Variants in LMNTD2 observed in about 807,000 individuals in gnomAD.
LMNTD2 encodes the protein lamin tail domain containing 2, also known as lamin tail domain-containing protein 2.
In LMNTD2, 83 loss-of-function variants were observed where a neutral mutation model predicts 70.1. That is an observed-to-expected ratio of 1.18 (90% confidence interval 0.99 to 1.42). LMNTD2 has a LOEUF of 1.42. Among genes scored for constraint, LMNTD2 ranks in the 40% most tolerant of loss-of-function variants. The probability of loss-of-function intolerance (pLI) is 0.00; values close to 1 mark genes in which losing one functional copy is unlikely to be tolerated. For synonymous variants in LMNTD2, 534 were observed against 406.1 expected, an observed-to-expected ratio of 1.31 and a Z score of -3.79; for missense variants, 1,153 against 905.9, an observed-to-expected ratio of 1.27 and a Z score of -3.50.
intron 1 of LMNTD2, chr11:559,496 A>G (rs1415527024): frequency 1.6e-6 from 2 of 1,284,542 alleles, no homozygotes; most frequent in Non-Finnish European, 2.0e-6. Flanking sequence ...GGGCCAGCCC[A>G]GCCTGGAGGA....
Position 558,859 on chromosome 11 carries a change from G to T in LMNTD2, c.155C>A (p.Pro52Gln). ...HPAPVVCSAD[P>Q]QLALESLDPR... ...CAGTCCTCCCTCTCCTCCTTACTGC[G>T]GGTCGGCAGAGCAGACCACCGGTGC... The change falls in exon 2 of 14, where the codon CCG (proline) becomes CAG (glutamine). Residue 52 changes from proline (P) to glutamine (Q), a missense_variant. Transcript: ENST00000329451. The T allele has an allele frequency of 6.2e-7, 1 of 1,601,468 alleles. No homozygotes were observed. The highest frequency in any genetic ancestry group is 8.5e-7 in the Non-Finnish European group (1 of 1,170,820).
intron 7 of LMNTD2, 72 bp from the exon 8 acceptor site, chr11:557,169 G>A: frequency 6.7e-7 from 1 of 1,494,208 alleles, no homozygotes; most frequent in Non-Finnish European, 8.9e-7. Context: ...AGCCTCACAA[G>A]GCAGTGCAGC....
At position 556,266 on chromosome 11, in the gene LMNTD2, G is replaced by C; in HGVS notation, c.1183C>G (p.Leu395Val). 6.5e-7 allele frequency: 1 copy of C among 1,532,310 alleles called. No homozygotes were observed. Among genetic ancestry groups the C allele is most frequent in the Non-Finnish European group, 8.7e-7 (1 of 1,145,292 alleles). 94.9% of individuals were successfully genotyped at this position (1,532,310 alleles called of 1,614,324 possible). ...AGGCGCTCCGGGAAGCCGCGCACCA[G>C]CTGCTTCAGCACCATGCCGCTCAGG... ...ADLSGMVLKQLVRGFPERLYR... is the reference protein window; with the variant it reads ...ADLSGMVLKQVVRGFPERLYR... Residue 395 changes from leucine to valine, a missense_variant, in exon 10 of 14, where the codon CTG becomes GTG. Physicochemically the swap from Leu to Val is conservative, Grantham distance 32 (BLOSUM62 1). Coordinates refer to ENST00000329451, the MANE Select transcript of LMNTD2 (RefSeq NM_173573.3).
rs4963199 is a variant in LMNTD2 at position 557,661 on chromosome 11, C to T, written c.556-21G>A. ...ACTACCTGCAAGAGGGGACCGGAAG[C>T]CAGTGGGCAGGGGCTGGGTGCTCCC... On this transcript the variant is annotated intron_variant, in intron 5 of 13. Transcript: ENST00000329451. 2.9e-4 allele frequency: 472 copies of T among 1,613,056 alleles called. No homozygotes were observed. The African/African-American group carries it at 3.7e-3, about 12-fold the overall frequency.
At position 557,042 on chromosome 11, in the gene LMNTD2, G is replaced by T; in HGVS notation, c.769C>A (p.His257Asn). 1 of 1,609,336 alleles carries T rather than the reference G, an allele frequency of 6.2e-7. No individual in the cohort carries two copies. ...ACGGTCTTGTGATGCCGCTCGGAATGCTTTCCAGAGGACTCTGGGCTCCCT... is the reference window on the plus strand; with the variant it reads ...ACGGTCTTGTGATGCCGCTCGGAATTCTTTCCAGAGGACTCTGGGCTCCCT... ...DTGSPESSGK[H>N]SERHHKTVEW... Residue 257 changes from histidine to asparagine, a missense_variant, in exon 8 of 14, where the codon CAT becomes AAT. His to Asn is a moderately conservative substitution (Grantham distance 68). Transcript: ENST00000329451.
At chr11:556,463 G>A in intron 9 of LMNTD2, 29 bp downstream of exon 9, 1 of 1,549,154 alleles carries the variant, frequency 6.5e-7, no homozygotes, top group Non-Finnish European at 8.7e-7. Context: ...CCAGTCCGGC[G>A]CCGGAGGCTT....
At chr11:556,711 G>A (rs752718491) in intron 8 of LMNTD2, 123 bp from the exon 9 acceptor site, 206 of 1,417,972 alleles carry the variant, frequency 1.5e-4, no homozygotes, top group Non-Finnish European at 1.8e-4. Context: ...GGGTCAGATG[G>A]GGCAGGAAAG....
At position 560,708 on chromosome 11, in the gene LMNTD2, C is replaced by A; in HGVS notation, c.9G>T (p.Trp3Cys). 6.9e-7 allele frequency: 1 copy of A among 1,442,220 alleles called. No homozygotes were observed. The highest frequency in any genetic ancestry group is 9.2e-7 in the Non-Finnish European group (1 of 1,090,830). The allele number at this position is 1,442,220 out of a possible 1,614,324, so 89.3% of individuals were successfully genotyped here. MRWLRPAGRRREQ... is the reference protein window; with the variant it reads MRCLRPAGRRREQ... The stretch of plus-strand genomic sequence containing the variant: ...CCCGACGCCTGCCCGCGGGCCGCAG[C>A]CACCGCATTTCCGCGTTTTTCGCGG... Residue 3 changes from tryptophan (W) to cysteine (C), a missense_variant, in exon 1 of 14, where the codon TGG (tryptophan) becomes TGT (cysteine). By Grantham distance (215) the Trp-to-Cys change is radical (BLOSUM62 -2). Transcript: ENST00000329451.
In LMNTD2 at chr11:554,870, T is replaced by G. The variant is rs193073450; in HGVS notation, c.*110A>C. 5.3e-5 allele frequency: 40 copies of G among 755,168 alleles called. No individual in the cohort carries two copies. Among genetic ancestry groups the G allele is most frequent in the Non-Finnish European group, 7.7e-5 (39 of 505,268 alleles). 46.8% of individuals were successfully genotyped at this position (755,168 alleles called of 1,614,324 possible). On this transcript the variant is annotated 3_prime_UTR_variant, in exon 14 of 14. Transcript: ENST00000329451. ...AGCTCTCAGGTGTACAGAAATGCGGTTTACTTTGTAGGCCACGTTGGTTCA... is the reference window on the plus strand; with the variant it reads ...AGCTCTCAGGTGTACAGAAATGCGGGTTACTTTGTAGGCCACGTTGGTTCA...
chr11:555,170 A>AGGAGAGCGGAGGGGC lies in LMNTD2; in HGVS notation c.1774-60_1774-59insGCCCCTCCGCTCTCC, dbSNP rs1554892625. The AGGAGAGCGGAGGGGC allele has an allele frequency of 7.8e-4, 157 of 202,220 alleles. 1 individual carries two copies. In the African/African-American group the frequency reaches 0.014, roughly 18 times the overall value. 12.5% of individuals were successfully genotyped at this position (202,220 alleles called of 1,614,324 possible). On this transcript the variant is annotated intron_variant, in intron 13 of 13. Transcript: ENST00000329451. ...CGGGGCGGGGACGGGAGGGGAGGGGAGGGGAGGAGAGGGGAGGGGCGGGGA... is the reference window on the plus strand; with the variant it reads ...CGGGGCGGGGACGGGAGGGGAGGGGAGGAGAGCGGAGGGGCGGGGAGGAGAGGGGAGGGGCGGGGA...
Position 556,996 on chromosome 11 carries a change from C to T in LMNTD2, c.815G>A (p.Cys272Tyr), listed in dbSNP as rs141647816. The T allele has an allele frequency of 1.9e-5, 30 of 1,608,378 alleles. No individual in the cohort carries two copies. Among genetic ancestry groups the T allele is most frequent in the Non-Finnish European group, 2.5e-5 (29 of 1,179,052 alleles). The change falls in exon 8 of 14, where the codon TGT becomes TAT. Residue 272 changes from cysteine to tyrosine, a missense_variant. Physicochemically the swap from Cys to Tyr is radical, Grantham distance 194. Coordinates refer to ENST00000329451, the MANE Select transcript of LMNTD2 (RefSeq NM_173573.3). ...GCCCCCTGAGCTGCTGGTGTTCAGA[C>T]AGGGCAGGGAGCCCCACTCCACGGT... ...HKTVEWGSLP[C>Y]LNTSSSGGAD...
In LMNTD2 at chr11:555,190, C is replaced by CGGGGAGGAGAGCGGAGGGGA. The variant is rs1852745077; in HGVS notation, c.1773+95_1774-80dup. ...AGGGGAGGGGAGGAGAGGGGAGGGG[C>CGGGGAGGAGAGCGGAGGGGA]GGGGAGGAGAGCGGAGGGGAGGGGA... On this transcript the variant is annotated intron_variant, in intron 13 of 13. Coordinates refer to ENST00000329451, the MANE Select transcript of LMNTD2 (RefSeq NM_173573.3). The CGGGGAGGAGAGCGGAGGGGA allele has an allele frequency of 6.4e-5, 22 of 343,086 alleles. 1 individual carries two copies. In the South Asian group the frequency reaches 3.4e-3, roughly 53 times the overall value. 21.3% of individuals were successfully genotyped at this position (343,086 alleles called of 1,614,324 possible).
At position 559,295 on chromosome 11, in the gene LMNTD2, CCT is replaced by C. The variant is rs1276659906; in HGVS notation, c.35-318_35-317del. The stretch of plus-strand genomic sequence containing the variant: ...GGCCCTTTGCCTGTGATGTGGTGTC[CCT>C]CTTTCTCTCTCTTGTCCCCCCAGCT... On this transcript the variant is annotated intron_variant, in intron 1 of 13. Transcript: ENST00000329451. The C allele has an allele frequency of 2.8e-6, 4 of 1,448,036 alleles. No individual in the cohort carries two copies. In the African/African-American group the frequency reaches 4.2e-5, roughly 15 times the overall value. The allele number at this position is 1,448,036 out of a possible 1,614,324, so 89.7% of individuals were successfully genotyped here. A position where few individuals can be genotyped will look rare whatever the true frequency, so the allele number is the denominator to read the frequency against.
intron 1 of LMNTD2, 102 bp downstream of exon 1, chr11:560,581 G>A (rs1327259118): frequency 2.3e-6 from 3 of 1,290,648 alleles, no homozygotes; most frequent in African/African-American, 3.1e-5. Context: ...GGACGCAGGC[G>A]GGGGTTGCGG....
chr11:559,904 C>A, intron 1 of LMNTD2: 1 of 344,834 alleles, frequency 2.9e-6, no homozygotes, highest in Non-Finnish European at 4.2e-6. Context: ...AAACTACAGG[C>A]ACCCGCCTCC....
intron 8 of LMNTD2, 114 bp from the exon 9 acceptor site, chr11:556,702 G>A: frequency 7.1e-7 from 1 of 1,412,624 alleles, no homozygotes; most frequent in South Asian, 1.5e-5. Flanking sequence ...GCAGGGCCAG[G>A]GTCAGATGGG....
chr11:560,290 G>A, intron 1 of LMNTD2: 2 of 1,041,334 alleles, frequency 1.9e-6, no homozygotes, highest in Non-Finnish European at 2.3e-6. Flanking sequence ...AGGGGGTGAA[G>A]GAGCGGCTTC....
intron 1 of LMNTD2, 111 bp downstream of exon 1, chr11:560,572 G>T (rs1853210945): frequency 7.8e-7 from 1 of 1,288,586 alleles, no homozygotes. Context: ...GCTGCCCCTG[G>T]ACGCAGGCGG....
rs1022409842 is a variant in LMNTD2, at chr11:558,821, C to T, written c.158+35G>A. ...TCAGGCCGGCCCCTGGCCACCTGGC[C>T]CAGGAGGCTCACCAGTCCTCCCTCT... is the stretch of plus-strand genomic sequence containing the variant. On this transcript the variant is annotated intron_variant, in intron 2 of 13. Coordinates refer to ENST00000329451, the MANE Select transcript of LMNTD2 (RefSeq NM_173573.3). 5.0e-6 allele frequency: 8 copies of T among 1,596,246 alleles called. No homozygotes were observed. The Admixed American group carries it at 1.2e-4, about 23-fold the overall frequency.
Sources: gnomAD v4.1 joint callset for allele counts on GRCh38, gnomAD v4.1.1 for gene constraint, MANE v1.5 for transcripts, NCBI Gene and HGNC (gene_info 2026-07-23, HGNC 2026-07-21) for gene names.